Variants in PRICKLE1 observed in about 807,000 individuals in gnomAD.
PRICKLE1 encodes the protein prickle-like protein 1.
A neutral mutation model predicts 70.2 loss-of-function variants in PRICKLE1; 14 were observed. The ratio of observed to expected loss-of-function variants is 0.20; its 90% confidence interval spans 0.13 to 0.31. PRICKLE1 has a LOEUF of 0.31. PRICKLE1 is among the 10% of genes least tolerant of loss of function. The pLI is 1.00. For missense variants in PRICKLE1, 821 were observed against 1,026.2 expected, an observed-to-expected ratio of 0.80 and a Z score of 2.73; for synonymous variants, 357 against 379.9, an observed-to-expected ratio of 0.94 and a Z score of 0.70.
At chr12:42,534,387 TA>T (rs1318945800) in intron 1 of PRICKLE1, among the ~76,000 whole-genome samples, 6 of 152,048 alleles carry the variant, frequency 3.9e-5, no homozygotes, top group African/African-American at 7.2e-5. Context: ...TGGACTATGA[TA>T]AGGGAGTGGG....
chr12:42,548,588 A>G (rs946827777), intron 1 of PRICKLE1, among the ~76,000 whole-genome samples: 2 of 152,174 alleles, frequency 1.3e-5, no homozygotes, highest in Non-Finnish European at 2.9e-5. Context: ...GCAAAATAAT[A>G]AACACTACAG....
chr12:42,476,333 C>A (rs1297164060), intron 1 of PRICKLE1, among the ~76,000 whole-genome samples: 1 of 152,074 alleles, frequency 6.6e-6, no homozygotes, highest in African/African-American at 2.4e-5. Flanking sequence ...CAGGCATGTG[C>A]CACCACACCC....
chr12:42,536,850 A>G (rs1940024003), intron 1 of PRICKLE1, among the ~76,000 whole-genome samples: 1 of 151,972 alleles, frequency 6.6e-6, no homozygotes, highest in African/African-American at 2.4e-5. Flanking sequence ...TTTTTGCTCC[A>G]TTTGCTATGA....
chr12:42,479,221 A>G (rs1188538148), intron 1 of PRICKLE1, among the ~76,000 whole-genome samples: 1 of 152,254 alleles, frequency 6.6e-6, no homozygotes, highest in Non-Finnish European at 1.5e-5. Flanking sequence ...AATGGAATTG[A>G]AACAATATGT....
At chr12:42,506,360 G>A (rs1939415779) in intron 1 of PRICKLE1, among the ~76,000 whole-genome samples, 3 of 146,724 alleles carry the variant, frequency 2.0e-5, no homozygotes, top group Non-Finnish European at 4.5e-5. Context: ...GGGTTCAAGC[G>A]ATTCTTCTGC....
intron 1 of PRICKLE1, among the ~76,000 whole-genome samples, chr12:42,549,119 C>CAAAAA (rs34355848): frequency 3.7e-5 from 2 of 53,970 alleles, no homozygotes; most frequent in African/African-American, 9.4e-5. Context: ...ACCCTGTCTC[C>CAAAAA]AAAAAAAAAA....
At chr12:42,528,751 T>C (rs7976735) in intron 1 of PRICKLE1, among the ~76,000 whole-genome samples, 52,395 of 152,042 alleles carry the variant, frequency 0.34, 10,446 homozygotes, top group East Asian at 0.56. Context: ...TCACAGTCAA[T>C]GCTCAAAAAA....
intron 1 of PRICKLE1, chr12:42,483,624 C>A (rs867426376): frequency 6.6e-6 from 1 of 151,900 alleles, no homozygotes; most frequent in African/African-American, 2.4e-5. Flanking sequence ...TTGCAGCGGA[C>A]CGCGCCCCCG....
At chr12:42,571,481 G>A (rs1940712013) in intron 1 of PRICKLE1, among the ~76,000 whole-genome samples, 1 of 152,210 alleles carries the variant, frequency 6.6e-6, no homozygotes, top group Non-Finnish European at 1.5e-5. Flanking sequence ...GGTGAGGGGT[G>A]GATCCTAGCC....
intron 7 of PRICKLE1, among the ~76,000 whole-genome samples, chr12:42,462,949 A>G (rs1271201908): frequency 1.3e-5 from 2 of 152,244 alleles, no homozygotes; most frequent in Non-Finnish European, 2.9e-5. Flanking sequence ...TGTGAAATGC[A>G]ATCATATCAT....
chr12:42,530,207 G>GT (rs1235951038), intron 1 of PRICKLE1, among the ~76,000 whole-genome samples: 1 of 152,100 alleles, frequency 6.6e-6, no homozygotes, highest in Admixed American at 6.6e-5. Flanking sequence ...GCCTCTCAAG[G>GT]TGCTGGGATT....
At chr12:42,543,498 C>G (rs1238042994) in intron 1 of PRICKLE1, among the ~76,000 whole-genome samples, 1 of 151,824 alleles carries the variant, frequency 6.6e-6, no homozygotes, top group Non-Finnish European at 1.5e-5. Flanking sequence ...GCATCCAGCT[C>G]TACATGGAAC....
intron 1 of PRICKLE1, among the ~76,000 whole-genome samples, chr12:42,475,967 G>A (rs1938509833): frequency 1.3e-5 from 2 of 151,176 alleles, no homozygotes; most frequent in African/African-American, 4.9e-5. Context: ...GGGCGTGGTG[G>A]TATGTCCCTG....
At position 42,500,399 on chromosome 12, in the gene PRICKLE1, C is replaced by T. The variant is rs180766496; in HGVS notation, c.-48-27835G>A. ...CTATTAGGCATTACCAGTATCAGTA[C>T]GTACTAAGCACTTAGTCAAAGACAG... is the stretch of plus-strand genomic sequence containing the variant. On this transcript the variant is annotated intron_variant, in intron 1 of 7. Coordinates refer to ENST00000345127, the MANE Select transcript of PRICKLE1 (RefSeq NM_153026.3). Among the ~76,000 whole-genome samples, 3 of 152,298 alleles carry T rather than the reference C, an allele frequency of 2.0e-5. No individual in the cohort carries two copies. The South Asian group carries it at 6.2e-4, about 32-fold the overall frequency.
intron 7 of PRICKLE1, among the ~76,000 whole-genome samples, chr12:42,463,254 G>A (rs925398575): frequency 6.6e-6 from 1 of 152,068 alleles, no homozygotes; most frequent in Non-Finnish European, 1.5e-5. Flanking sequence ...AGCTGATATC[G>A]CGTCATTGCA....
intron 1 of PRICKLE1, among the ~76,000 whole-genome samples, chr12:42,472,960 C>A (rs1383848483): frequency 1.3e-5 from 2 of 152,158 alleles, no homozygotes; most frequent in Non-Finnish European, 2.9e-5. Context: ...ACCTGCCTTG[C>A]CCACTACTAT....
intron 1 of PRICKLE1, among the ~76,000 whole-genome samples, chr12:42,585,750 T>C (rs1335279613): frequency 6.6e-6 from 1 of 152,166 alleles, no homozygotes; most frequent in Admixed American, 6.5e-5. Context: ...TGCTCCAAAA[T>C]GTTCATTCAT....
chr12:42,568,262 C>T (rs1592036062), intron 1 of PRICKLE1, among the ~76,000 whole-genome samples: 1 of 152,226 alleles, frequency 6.6e-6, no homozygotes, highest in Non-Finnish European at 1.5e-5. Flanking sequence ...GCAGCCTCTG[C>T]CTTTCAGGCT....
intron 1 of PRICKLE1, among the ~76,000 whole-genome samples, chr12:42,563,295 AAAG>A (rs1324005264): frequency 1.3e-5 from 2 of 152,138 alleles, no homozygotes; most frequent in African/African-American, 2.4e-5. Flanking sequence ...GCAGGACGAG[AAAG>A]AAGAATATTA....
Sources: gnomAD v4.1 joint callset for allele counts (sites outside exome capture counted in the v4.1 genomes callset) on GRCh38, gnomAD v4.1.1 for gene constraint, MANE v1.5 for transcripts, NCBI Gene and HGNC (gene_info 2026-07-23, HGNC 2026-07-21) for gene names.